NLGN1: variants seen among roughly 807,000 people sequenced by gnomAD.
The protein encoded by NLGN1 is neuroligin-1.
A neutral mutation model predicts 65.5 loss-of-function variants in NLGN1; 12 were observed. That is an observed-to-expected ratio of 0.18 (90% confidence interval 0.12 to 0.30). The LOEUF (loss-of-function observed/expected upper bound fraction) is 0.30. NLGN1 is among the 10% of genes least tolerant of loss of function. NLGN1 has a pLI of 1.00. For synonymous variants in NLGN1, 350 were observed against 359.5 expected, an observed-to-expected ratio of 0.97 and a Z score of 0.30; for missense variants, 750 against 1,007.1, an observed-to-expected ratio of 0.74 and a Z score of 3.46.
At chr3:173,957,884 AT>A (rs376502158) in intron 4 of NLGN1, among the ~76,000 whole-genome samples, 249 of 152,200 alleles carry the variant, frequency 1.6e-3, no homozygotes, top group African/African-American at 5.6e-3. Flanking sequence ...ACTGGCCTGG[AT>A]CCCACACCTG....
chr3:173,947,935 A>G (rs1045579217), intron 4 of NLGN1, among the ~76,000 whole-genome samples: 3 of 152,214 alleles, frequency 2.0e-5, no homozygotes, highest in Non-Finnish European at 2.9e-5. Flanking sequence ...ACTCAATGGT[A>G]GTACCTGTTG....
intron 4 of NLGN1, among the ~76,000 whole-genome samples, chr3:174,044,446 T>C (rs1733068423): frequency 6.6e-6 from 1 of 152,100 alleles, no homozygotes; most frequent in Non-Finnish European, 1.5e-5. Context: ...TTCCACCAGG[T>C]ACCCTAAATC....
intron 4 of NLGN1, among the ~76,000 whole-genome samples, chr3:174,070,623 C>T (rs889219860): frequency 3.3e-5 from 5 of 152,104 alleles, no homozygotes; most frequent in African/African-American, 4.8e-5. Flanking sequence ...AGCCACCGCG[C>T]CCGGCCTTAT....
At position 173,455,239 on chromosome 3, in the gene NLGN1, G is replaced by A. The variant is rs977640931; in HGVS notation, c.-321+20161G>A. Among the ~76,000 whole-genome samples the A allele has an allele frequency of 5.3e-5, 8 of 152,194 alleles. No individual in the cohort carries two copies. The South Asian group carries it at 8.3e-4, about 16-fold the overall frequency. ...GAATCTGACAATCATGGCAGAGGGT[G>A]AAGGGAGAGCCAGTGCTTAACATGG... On this transcript the variant is annotated intron_variant, in intron 2 of 6. Transcript: ENST00000457714.
At chr3:173,747,696 C>T (rs1039202055) in intron 3 of NLGN1, among the ~76,000 whole-genome samples, 6 of 149,816 alleles carry the variant, frequency 4.0e-5, no homozygotes, top group Non-Finnish European at 8.9e-5. Flanking sequence ...CTCTTTGTTC[C>T]AAAGCAATTG....
At chr3:173,767,419 G>C (rs1044692380) in intron 3 of NLGN1, among the ~76,000 whole-genome samples, 1 of 151,898 alleles carries the variant, frequency 6.6e-6, no homozygotes, top group Admixed American at 6.6e-5. Flanking sequence ...TATATGTAGA[G>C]GATATTGGCC....
chr3:173,840,155 A>G (rs1181236235), intron 4 of NLGN1, among the ~76,000 whole-genome samples: 1 of 152,204 alleles, frequency 6.6e-6, no homozygotes, highest in Non-Finnish European at 1.5e-5. Context: ...CAGGTGCTAA[A>G]TTCAAGACTC....
intron 4 of NLGN1, among the ~76,000 whole-genome samples, chr3:174,220,002 T>C (rs1006592224): frequency 6.6e-6 from 1 of 151,938 alleles, no homozygotes; most frequent in African/African-American, 2.4e-5. Flanking sequence ...TAATGAAGAC[T>C]GTAGTGGGAA....
chr3:174,071,506 A>T (rs897596972), intron 4 of NLGN1, among the ~76,000 whole-genome samples: 2 of 152,112 alleles, frequency 1.3e-5, no homozygotes, highest in Admixed American at 6.5e-5. Context: ...ACATGGCAAA[A>T]CCCTGTCTCT....
intron 3 of NLGN1, among the ~76,000 whole-genome samples, chr3:173,630,564 A>C (rs537601432): frequency 9.9e-5 from 15 of 152,254 alleles, no homozygotes; most frequent in African/African-American, 3.4e-4. Context: ...TTTAAAAATC[A>C]GATTCACTTT....
intron 4 of NLGN1, among the ~76,000 whole-genome samples, chr3:173,923,369 TTGAATGG>T (rs1210136613): frequency 2.0e-5 from 3 of 152,168 alleles, no homozygotes; most frequent in African/African-American, 4.8e-5. Flanking sequence ...GATCTGCATC[TTGAATGG>T]TCATACATAC....
rs550844574 is a variant in NLGN1, at chr3:173,453,604, G to T, written c.-321+18526G>T. Among the ~76,000 whole-genome samples, 93 of 152,200 alleles carry T rather than the reference G, an allele frequency of 6.1e-4. 3 individuals are homozygous for T. In the South Asian group the frequency reaches 0.019, roughly 31 times the overall value. On this transcript the variant is annotated intron_variant, in intron 2 of 6. Transcript: ENST00000457714. Reference sequence around the variant, plus strand: ...GAACAATGTTCACAGCATCTTCTCTGGAAGATTCTGTCTCCATAAACCACT... The same window carrying T: ...GAACAATGTTCACAGCATCTTCTCTTGAAGATTCTGTCTCCATAAACCACT...
At chr3:173,428,367 A>G (rs748707025) in intron 1 of NLGN1, among the ~76,000 whole-genome samples, 17 of 149,360 alleles carry the variant, frequency 1.1e-4, no homozygotes, top group Non-Finnish European at 2.2e-4. Flanking sequence ...TTTCTTTTCT[A>G]CTGTCTTTTT....
intron 3 of NLGN1, among the ~76,000 whole-genome samples, chr3:173,706,715 C>T (rs1384960139): frequency 6.6e-6 from 1 of 152,174 alleles, no homozygotes; most frequent in East Asian, 1.9e-4. Flanking sequence ...TATCGATCTA[C>T]AGATATGAAT....
chr3:173,798,665 G>T (rs1714712597), intron 3 of NLGN1, among the ~76,000 whole-genome samples: 1 of 151,994 alleles, frequency 6.6e-6, no homozygotes, highest in Non-Finnish European at 1.5e-5. Flanking sequence ...TGGAATAATT[G>T]CTTGCAGGTG....
chr3:174,005,171 A>G (rs1334106098), intron 4 of NLGN1, among the ~76,000 whole-genome samples: 1 of 152,112 alleles, frequency 6.6e-6, no homozygotes, highest in Non-Finnish European at 1.5e-5. Context: ...TCTCTGTTTC[A>G]TTGATGAACA....
At chr3:173,638,031 G>C (rs962516663) in intron 3 of NLGN1, among the ~76,000 whole-genome samples, 8 of 152,060 alleles carry the variant, frequency 5.3e-5, no homozygotes, top group African/African-American at 1.9e-4. Flanking sequence ...TTTTAATAGA[G>C]ATATTTACTT....
At chr3:173,443,118 A>G (rs1000007924) in intron 2 of NLGN1, among the ~76,000 whole-genome samples, 7 of 151,966 alleles carry the variant, frequency 4.6e-5, no homozygotes, top group African/African-American at 1.4e-4. Flanking sequence ...TAGTGGCTAT[A>G]ATCCCTACTA....
chr3:173,916,345 T>C (rs1740726608), intron 4 of NLGN1, among the ~76,000 whole-genome samples: 1 of 152,124 alleles, frequency 6.6e-6, no homozygotes, highest in Non-Finnish European at 1.5e-5. Context: ...ATACTACAAA[T>C]ATTTTGCTCA....
Sources: gnomAD v4.1 joint callset for allele counts (sites outside exome capture counted in the v4.1 genomes callset) on GRCh38, gnomAD v4.1.1 for gene constraint, MANE v1.5 for transcripts, NCBI Gene and HGNC (gene_info 2026-07-23, HGNC 2026-07-21) for gene names.